CDH13: variants seen among roughly 807,000 people sequenced by gnomAD.
CDH13 encodes cadherin 13, also known as cadherin-13.
Under a neutral mutation model 63.8 loss-of-function variants are expected in CDH13, and 24 were observed. The ratio of observed to expected loss-of-function variants is 0.38; its 90% CI spans 0.27 to 0.53. CDH13 has a LOEUF of 0.53. Ranked by LOEUF, CDH13 falls within the 20% of genes least tolerant of loss-of-function variation. The pLI is 0.85. For synonymous variants in CDH13, 503 were observed against 355.3 expected (o/e 1.42, Z -4.67); for missense variants, 1,049 against 903.1 (o/e 1.16, Z -2.07).
intron 1 of CDH13, among the ~76,000 whole-genome samples, chr16:82,676,788 C>G (rs934703207): frequency 1.3e-5 from 2 of 152,200 alleles, no homozygotes; most frequent in Admixed American, 6.5e-5. Flanking sequence ...ACACTTTCAA[C>G]TCCAGCCACC....
At chr16:82,816,157 C>G (rs751288007) in intron 1 of CDH13, among the ~76,000 whole-genome samples, 1 of 152,124 alleles carries the variant, frequency 6.6e-6, no homozygotes, top group Non-Finnish European at 1.5e-5. Flanking sequence ...GTCAGCCTCT[C>G]TCTTACGTAC....
chr16:83,475,261 G>T (rs2073572008), intron 6 of CDH13, among the ~76,000 whole-genome samples: 1 of 152,236 alleles, frequency 6.6e-6, no homozygotes, highest in Non-Finnish European at 1.5e-5. Context: ...TAGACACCAG[G>T]TCTGGCCGCT....
intron 10 of CDH13, among the ~76,000 whole-genome samples, chr16:83,732,932 C>T (rs1911179885): frequency 6.6e-6 from 1 of 152,198 alleles, no homozygotes; most frequent in Non-Finnish European, 1.5e-5. Flanking sequence ...CCTGTATGGC[C>T]AGACATGAGG....
chr16:83,550,539 T>G (rs1032520748), intron 7 of CDH13, among the ~76,000 whole-genome samples: 1 of 152,178 alleles, frequency 6.6e-6, no homozygotes, highest in Admixed American at 6.5e-5. Flanking sequence ...CCGCTCATAA[T>G]GGAAGAGCTG....
chr16:83,131,160 G>A (rs1215290647), intron 4 of CDH13, among the ~76,000 whole-genome samples: 1 of 150,850 alleles, frequency 6.6e-6, no homozygotes, highest in Non-Finnish European at 1.5e-5. Context: ...GATAGCAGGT[G>A]GGGAGTATAA....
intron 4 of CDH13, among the ~76,000 whole-genome samples, chr16:83,214,554 T>G (rs1467431666): frequency 9.5e-6 from 1 of 105,536 alleles, no homozygotes; most frequent in Non-Finnish European, 1.7e-5. Context: ...CATTCCAGCC[T>G]GGGTGACAGA....
At chr16:82,635,195 T>C (rs8049767) in intron 1 of CDH13, among the ~76,000 whole-genome samples, 9,512 of 152,280 alleles carry the variant, frequency 0.062, 981 homozygotes, top group African/African-American at 0.22. Context: ...CTTAGAACAG[T>C]GCCTGGCACA....
At chr16:83,096,346 G>C (rs150252564) in intron 3 of CDH13, among the ~76,000 whole-genome samples, 2 of 152,288 alleles carry the variant, frequency 1.3e-5, no homozygotes, top group African/African-American at 2.4e-5. Context: ...CAGAGAGAAG[G>C]CTCAGTCAAG....
Position 83,155,079 on chromosome 16 carries a change from G to T in CDH13, c.483+29578G>T, listed in dbSNP as rs115982580. Among the ~76,000 whole-genome samples, 1,185 of 152,334 alleles carry T rather than the reference G, an allele frequency of 7.8e-3. 17 individuals carry two copies. The highest frequency in any genetic ancestry group is 0.027 in the African/African-American group (1,128 of 41,584). On this transcript the variant is annotated intron_variant, in intron 4 of 13. Transcript: ENST00000567109. ...TATTAGAAGGAAGAAAACCACTTCT[G>T]TGGGAACAGTCAAATTTATTTCATT... is the stretch of plus-strand genomic sequence containing the variant.
intron 1 of CDH13, among the ~76,000 whole-genome samples, chr16:82,815,673 C>T (rs552883262): frequency 6.6e-6 from 1 of 152,140 alleles, no homozygotes; most frequent in Non-Finnish European, 1.5e-5. Context: ...CCAGTCTCCA[C>T]AGGGCTCTGT....
At chr16:82,762,394 A>G (rs1369419336) in intron 1 of CDH13, among the ~76,000 whole-genome samples, 2 of 152,216 alleles carry the variant, frequency 1.3e-5, no homozygotes, top group East Asian at 1.9e-4. Flanking sequence ...CTAAAATATT[A>G]TCTCTTAATG....
chr16:83,597,301 T>C (rs1169583729), intron 7 of CDH13, among the ~76,000 whole-genome samples: 3 of 152,194 alleles, frequency 2.0e-5, no homozygotes, highest in South Asian at 2.1e-4. Context: ...AAATAAATTA[T>C]AGTGGATCTG....
Position 83,380,088 on chromosome 16 carries a change from A to C in CDH13, c.781+35082A>C, listed in dbSNP as rs114187122. Among the ~76,000 whole-genome samples, 805 of 152,118 alleles carry C rather than the reference A, an allele frequency of 5.3e-3. 13 individuals carry two copies. Among genetic ancestry groups the C allele is most frequent in the African/African-American group, 0.017 (711 of 41,490 alleles). On this transcript the variant is annotated intron_variant, in intron 6 of 13. Coordinates refer to ENST00000567109, the MANE Select transcript of CDH13 (RefSeq NM_001257.5). ...TCTCAGAAACAAATATATGCCTAAG[A>C]TGATTCAAAATGGACATTGGTATTC...
intron 6 of CDH13, among the ~76,000 whole-genome samples, chr16:83,409,010 T>C (rs1168413169): frequency 6.6e-6 from 1 of 151,692 alleles, no homozygotes; most frequent in Non-Finnish European, 1.5e-5. Flanking sequence ...AGTGAGTGAG[T>C]GGGTGGTTTA....
rs561402979 is a variant in CDH13, at chr16:82,897,573, G to A, written c.157+39100G>A. Among the ~76,000 whole-genome samples the A allele has an allele frequency of 2.2e-4, 34 of 152,292 alleles. 1 individual carries two copies. The Middle Eastern group carries it at 0.01, about 46-fold the overall frequency. ...CCCATTTTATAGATGAGGAAAATAA[G>A]CCTCCAGATAGGTTATGCAACTTAC... On this transcript the variant is annotated intron_variant, in intron 2 of 13. Transcript: ENST00000567109.
chr16:82,805,975 A>G (rs968634333), intron 1 of CDH13, among the ~76,000 whole-genome samples: 1 of 152,182 alleles, frequency 6.6e-6, no homozygotes, highest in Non-Finnish European at 1.5e-5. Context: ...CATTGTCTCC[A>G]TAATCCCCTA....
At chr16:83,233,644 C>G (rs1339309825) in intron 5 of CDH13, among the ~76,000 whole-genome samples, 1 of 152,190 alleles carries the variant, frequency 6.6e-6, no homozygotes, top group Non-Finnish European at 1.5e-5. Context: ...ATCCTCAAAG[C>G]CAGCAATGGA....
chr16:83,222,961 T>C (rs11646932), intron 5 of CDH13, among the ~76,000 whole-genome samples: 115,964 of 151,830 alleles, frequency 0.76, 45,331 homozygotes, highest in East Asian at 0.96. Flanking sequence ...GCAGCACCAA[T>C]GGCCTCTACC....
At chr16:83,678,182 C>T (rs1219376340) in intron 9 of CDH13, 26 bp from the exon 10 acceptor site, 1 of 1,594,852 alleles carries the variant, frequency 6.3e-7, no homozygotes, top group Non-Finnish European at 8.6e-7. Flanking sequence ...GGTGTGCATC[C>T]TGAGACCCTT....
Sources: allele counts gnomAD v4.1 joint callset (sites outside exome capture counted in the v4.1 genomes callset), GRCh38; gene constraint gnomAD v4.1.1; transcripts MANE v1.5; gene names NCBI Gene and HGNC (gene_info 2026-07-23, HGNC 2026-07-21).